Variants in PTPRD observed in about 807,000 individuals in gnomAD.
PTPRD encodes the protein protein tyrosine phosphatase receptor type D, also known as receptor-type tyrosine-protein phosphatase delta.
Under a neutral mutation model 214.5 loss-of-function variants are expected in PTPRD, and 34 were observed. That is an observed-to-expected ratio of 0.16 (90% CI 0.12 to 0.21). The LOEUF (loss-of-function observed/expected upper bound fraction) is 0.21, where lower values mean the gene tolerates loss of function less well. PTPRD is among the 10% of genes least tolerant of loss of function. The pLI, the probability that PTPRD is intolerant of heterozygous loss-of-function variation, is 1.00. For synonymous variants in PTPRD, 1,128 were observed against 845.7 expected (o/e 1.33, Z -5.79); for missense variants, 2,545 against 2,398.7 (o/e 1.06, Z -1.27).
intron 11 of PTPRD, among the ~76,000 whole-genome samples, chr9:8,815,104 T>C (rs1033159498): frequency 5.7e-5 from 8 of 140,398 alleles, no homozygotes; most frequent in African/African-American, 2.6e-4. Context: ...CTTTATATAA[T>C]TTAGTTTTTT....
intron 12 of PTPRD, among the ~76,000 whole-genome samples, chr9:8,718,266 G>A (rs1183198394): frequency 6.6e-6 from 1 of 152,126 alleles, no homozygotes; most frequent in East Asian, 1.9e-4. Context: ...ATTATTCCCT[G>A]CCCAGTAGGG....
intron 4 of PTPRD, among the ~76,000 whole-genome samples, chr9:9,947,574 ATTAT>A (rs2092920398): frequency 2.1e-5 from 1 of 47,544 alleles, no homozygotes; most frequent in African/African-American, 1.1e-4. Context: ...TTATATATAT[ATTAT>A]ATATATATTA....
intron 9 of PTPRD, among the ~76,000 whole-genome samples, chr9:9,346,711 A>C (rs1407733841): frequency 6.6e-6 from 1 of 150,822 alleles, no homozygotes; most frequent in Non-Finnish European, 1.5e-5. Flanking sequence ...TTTCTTTTTT[A>C]GACAGAGTTT....
chr9:9,920,140 G>C (rs2082146198), intron 5 of PTPRD, among the ~76,000 whole-genome samples: 1 of 152,026 alleles, frequency 6.6e-6, no homozygotes, highest in African/African-American at 2.4e-5. Flanking sequence ...GTTTTGGTTT[G>C]TGTCTTCCAA....
intron 10 of PTPRD, chr9:9,091,177 G>T: frequency 1.9e-6 from 3 of 1,540,806 alleles, no homozygotes; most frequent in Non-Finnish European, 2.7e-6. Flanking sequence ...AGTCCGCAAG[G>T]ACCGAACACC....
chr9:9,283,862 G>A (rs1260987365), intron 9 of PTPRD, among the ~76,000 whole-genome samples: 2 of 151,468 alleles, frequency 1.3e-5, no homozygotes, highest in African/African-American at 2.4e-5. Flanking sequence ...ATGTTTCCTT[G>A]TTCAATATAC....
chr9:9,631,218 T>TAAAA (rs2095580729), intron 7 of PTPRD, among the ~76,000 whole-genome samples: 1 of 105,950 alleles, frequency 9.4e-6, no homozygotes, highest in African/African-American at 3.0e-5. Flanking sequence ...AATAAATAAA[T>TAAAA]AAATAAAAAG....
At chr9:8,576,846 C>G (rs182652568) in intron 14 of PTPRD, among the ~76,000 whole-genome samples, 1 of 152,266 alleles carries the variant, frequency 6.6e-6, no homozygotes, top group African/African-American at 2.4e-5. Context: ...TTTGGTGACT[C>G]TCTTCCTTAG....
intron 3 of PTPRD, among the ~76,000 whole-genome samples, chr9:10,202,071 A>AT (rs1437234952): frequency 3.9e-5 from 6 of 152,112 alleles, no homozygotes; most frequent in Non-Finnish European, 8.8e-5. Flanking sequence ...GTGTTTTCAA[A>AT]TAGAGGCTGT....
At chr9:8,321,487 G>GTGTGTGTATATATATATATA (rs1168847469) in intron 44 of PTPRD, among the ~76,000 whole-genome samples, 1 of 44,540 alleles carries the variant, frequency 2.2e-5, no homozygotes, top group Non-Finnish European at 3.9e-5. Flanking sequence ...GTGTGTGTGT[G>GTGTGTGTATATATATATATA]TATATATATA....
rs572477189 is a variant in PTPRD at position 8,376,335 on chromosome 9, A to G, written c.4507-245T>C. Among the ~76,000 whole-genome samples, 5 of 152,162 alleles carry G rather than the reference A, an allele frequency of 3.3e-5. No homozygotes were observed. The East Asian group carries it at 7.7e-4, about 24-fold the overall frequency. On this transcript the variant is annotated intron_variant, in intron 38 of 45. Coordinates refer to ENST00000381196, the MANE Select transcript of PTPRD (RefSeq NM_002839.4). ...ATTTTTCAGGTTTAACTACCAGGAG[A>G]GCTCCTATCACATTTTACAGGAAGA...
At chr9:9,660,615 G>A (rs2096604813) in intron 7 of PTPRD, among the ~76,000 whole-genome samples, 2 of 151,826 alleles carry the variant, frequency 1.3e-5, no homozygotes, top group Admixed American at 1.3e-4. Flanking sequence ...TATTAAGTAG[G>A]CATTTTTGAA....
chr9:8,477,109 C>A (rs531924349), intron 30 of PTPRD, among the ~76,000 whole-genome samples: 34 of 150,024 alleles, frequency 2.3e-4, no homozygotes, highest in Non-Finnish European at 3.2e-4. Context: ...GCTGAAAGAA[C>A]TTGCTTGAAA....
chr9:8,867,176 CCTT>C (rs1305606737), intron 11 of PTPRD, among the ~76,000 whole-genome samples: 1 of 152,124 alleles, frequency 6.6e-6, no homozygotes, highest in Non-Finnish European at 1.5e-5. Flanking sequence ...TCCCTCCCTC[CCTT>C]CTTCTCTTTC....
At chr9:9,982,583 T>C (rs1254027375) in intron 4 of PTPRD, among the ~76,000 whole-genome samples, 1 of 151,892 alleles carries the variant, frequency 6.6e-6, no homozygotes, top group African/African-American at 2.4e-5. Context: ...CCTCCTGAGG[T>C]AAGTTTCTTT....
chr9:8,890,722 C>T (rs1011596539), intron 11 of PTPRD, among the ~76,000 whole-genome samples: 1 of 152,182 alleles, frequency 6.6e-6, no homozygotes, highest in African/African-American at 2.4e-5. Context: ...TTCCATACCA[C>T]TGTAGGCAAG....
intron 14 of PTPRD, among the ~76,000 whole-genome samples, chr9:8,573,352 A>T (rs1234409394): frequency 6.6e-6 from 1 of 152,038 alleles, no homozygotes; most frequent in Admixed American, 6.6e-5. Context: ...ATGAAAAGAT[A>T]GGCAAAGTAG....
intron 10 of PTPRD, among the ~76,000 whole-genome samples, chr9:9,058,120 C>G (rs1202001559): frequency 1.3e-5 from 2 of 152,196 alleles, no homozygotes; most frequent in South Asian, 2.1e-4. Context: ...AAAGAGAAGT[C>G]TTCCAAATAA....
chr9:8,332,191 G>GTT (rs1842133264), intron 43 of PTPRD, among the ~76,000 whole-genome samples: 1 of 152,060 alleles, frequency 6.6e-6, no homozygotes, highest in Non-Finnish European at 1.5e-5. Context: ...ACCTAGGCAT[G>GTT]TCATCCAGAC....
Sources: gnomAD v4.1 joint callset for allele counts (sites outside exome capture counted in the v4.1 genomes callset) on GRCh38, gnomAD v4.1.1 for gene constraint, MANE v1.5 for transcripts, NCBI Gene and HGNC (gene_info 2026-07-23, HGNC 2026-07-21) for gene names.